CORO1C: variants seen among roughly 807,000 people sequenced by gnomAD.
CORO1C encodes coronin 1C.
CORO1C carries 14 observed loss-of-function variants against 51.2 expected under a neutral mutation model. The ratio of observed to expected loss-of-function variants is 0.27; its 90% CI spans 0.18 to 0.43. The LOEUF is 0.43. CORO1C is among the 20% of genes least tolerant of loss of function. The probability of loss-of-function intolerance (pLI) is 1.00; values close to 1 mark genes in which losing one functional copy is unlikely to be tolerated. For missense variants in CORO1C, 417 were observed against 607.8 expected (o/e 0.69, Z 3.30); for synonymous variants, 181 against 210.5 (o/e 0.86, Z 1.21).
rs149788602 is a variant in CORO1C at position 108,647,620 on chromosome 12, G to A, written c.1306-98C>T. ...GATATAAAATGTAGTTTTCTATTTTGCAAACGGCAAGCCATAGTCACCAAG... is the reference window on the plus strand; with the variant it reads ...GATATAAAATGTAGTTTTCTATTTTACAAACGGCAAGCCATAGTCACCAAG... On this transcript the variant is annotated intron_variant, in intron 10 of 10. Coordinates refer to ENST00000261401, the MANE Select transcript of CORO1C (RefSeq NM_014325.4). 1.4e-4 allele frequency: 120 copies of A among 835,434 alleles called. No homozygotes were observed. In the East Asian group the frequency reaches 2.9e-3, roughly 20 times the overall value. 51.8% of individuals were successfully genotyped at this position (835,434 alleles called of 1,614,324 possible). A position where few individuals can be genotyped will look rare whatever the true frequency, so the allele number is the denominator to read the frequency against.
intron 2 of CORO1C, among the ~76,000 whole-genome samples, chr12:108,687,412 AG>A (rs1216829931): frequency 6.6e-6 from 1 of 152,114 alleles, no homozygotes; most frequent in Non-Finnish European, 1.5e-5. Flanking sequence ...ACCTGAGCCC[AG>A]GAGGTCAAGG....
chr12:108,719,895 G>A (rs2035434393), intron 1 of CORO1C, among the ~76,000 whole-genome samples: 1 of 152,130 alleles, frequency 6.6e-6, no homozygotes. Context: ...AGTCAAACTT[G>A]CTAACCAGGC....
chr12:108,699,440 G>GA (rs34961869), intron 2 of CORO1C, among the ~76,000 whole-genome samples: 2 of 150,686 alleles, frequency 1.3e-5, no homozygotes, highest in East Asian at 1.9e-4. Context: ...TTCTTTGAAG[G>GA]AAAAAAAAAG....
chr12:108,687,654 G>A (rs1177853332), intron 2 of CORO1C, among the ~76,000 whole-genome samples: 1 of 151,708 alleles, frequency 6.6e-6, no homozygotes, highest in Non-Finnish European at 1.5e-5. Flanking sequence ...GCTTGATGGT[G>A]TGTGCCTATA....
At chr12:108,665,742 A>G (rs1285168821) in intron 3 of CORO1C, among the ~76,000 whole-genome samples, 1 of 152,228 alleles carries the variant, frequency 6.6e-6, no homozygotes, top group African/African-American at 2.4e-5. Flanking sequence ...ACACACACAT[A>G]GTGCCTCCAG....
intron 3 of CORO1C, among the ~76,000 whole-genome samples, chr12:108,669,579 A>C (rs1010031071): frequency 6.6e-6 from 1 of 150,916 alleles, no homozygotes; most frequent in South Asian, 2.1e-4. Flanking sequence ...TCCTTCTTCT[A>C]CTAAAACTAG....
intron 7 of CORO1C, chr12:108,653,071 GGA>G (rs1491165719): frequency 1.3e-5 from 2 of 152,436 alleles, no homozygotes; most frequent in East Asian, 3.8e-4. Flanking sequence ...CTGGCAGAGA[GGA>G]GATATACATA....
At position 108,648,713 on chromosome 12, in the gene CORO1C, G is replaced by A. The variant is rs756277229; in HGVS notation, c.1197C>T (p.Asn399=). ...TCTTCTTGACCACCTTGAGATCCCT[G>A]TTTTTGCCTGGAATGTACCCGTGCT... is the stretch of plus-strand genomic sequence containing the variant. The part of the protein sequence containing the change: ...SLKHGYIPGK[N]RDLKVVKKNI... The change falls in exon 10 of 11, where the codon AAC becomes AAT. Residue 399 remains asparagine (N), a synonymous_variant. Transcript: ENST00000261401. 3.7e-6 allele frequency: 6 copies of A among 1,614,006 alleles called. No homozygotes were observed. In the African/African-American group the frequency reaches 5.3e-5, roughly 14 times the overall value.
intron 1 of CORO1C, chr12:108,702,914 G>A: frequency 6.5e-7 from 1 of 1,535,424 alleles, no homozygotes; most frequent in Non-Finnish European, 8.7e-7. Flanking sequence ...AGCTGTTATT[G>A]CCAGACTTTC....
intron 2 of CORO1C, among the ~76,000 whole-genome samples, chr12:108,682,023 AAG>A (rs893716086): frequency 6.6e-6 from 1 of 152,004 alleles, no homozygotes; most frequent in Non-Finnish European, 1.5e-5. Context: ...ACTAAAAGGA[AAG>A]AGAGAGAATG....
intron 2 of CORO1C, among the ~76,000 whole-genome samples, chr12:108,680,012 C>T (rs2034067137): frequency 6.6e-6 from 1 of 152,212 alleles, no homozygotes; most frequent in South Asian, 2.1e-4. Context: ...AAAGCTGTCA[C>T]ATTATTAGTT....
At chr12:108,667,996 C>T (rs1472925160) in intron 3 of CORO1C, among the ~76,000 whole-genome samples, 4 of 152,172 alleles carry the variant, frequency 2.6e-5, no homozygotes, top group Non-Finnish European at 5.9e-5. Context: ...GACACTGCTT[C>T]CCTATTTTAG....
At position 108,648,612 on chromosome 12, in the gene CORO1C, G is replaced by T. The variant is rs962633522; in HGVS notation, c.1298C>A (p.Ala433Asp). The T allele has an allele frequency of 1.2e-6, 2 of 1,614,166 alleles. No individual in the cohort carries two copies. Among genetic ancestry groups the T allele is most frequent in the Non-Finnish European group, 8.5e-7 (1 of 1,180,032 alleles). The change falls in exon 10 of 11, where the codon GCC (alanine) becomes GAC (aspartate). Residue 433 changes from alanine to aspartate, a missense_variant. Physicochemically the swap from Ala to Asp is moderately radical, Grantham distance 126. Coordinates refer to ENST00000261401, the MANE Select transcript of CORO1C (RefSeq NM_014325.4). The stretch of plus-strand genomic sequence containing the variant: ...CACTCCACTGGTCCTCACCACACTG[G>T]CCGTGTCTGTGGTTTTCTTGGGGAT... Reference protein sequence around the residue: ...ISIPKKTTDTASVQNEAKLDE... With the variant: ...ISIPKKTTDTDSVQNEAKLDE...
At chr12:108,727,946 C>T (rs2035630269) in intron 1 of CORO1C, among the ~76,000 whole-genome samples, 1 of 152,128 alleles carries the variant, frequency 6.6e-6, no homozygotes. Context: ...GGACATTTCT[C>T]CAAAGATTAC....
At chr12:108,683,439 A>G (rs996197567) in intron 2 of CORO1C, among the ~76,000 whole-genome samples, 19 of 151,938 alleles carry the variant, frequency 1.3e-4, no homozygotes, top group Non-Finnish European at 2.2e-4. Context: ...AAAAAGAGGA[A>G]AAAAAGAAGT....
At chr12:108,672,371 T>C (rs935962723) in intron 3 of CORO1C, among the ~76,000 whole-genome samples, 1 of 152,224 alleles carries the variant, frequency 6.6e-6, no homozygotes, top group East Asian at 1.9e-4. Flanking sequence ...TTTTAAAAAG[T>C]TGTTTAGTTT....
chr12:108,678,307 C>A lies in CORO1C; in HGVS notation c.283G>T (p.Val95Phe). 2 of 1,613,456 alleles carry A rather than the reference C, an allele frequency of 1.2e-6. No individual in the cohort carries two copies. Among genetic ancestry groups the A allele is most frequent in the South Asian group, 2.2e-5 (2 of 90,958 alleles). ...CAGTCCTCTGAACCGCTGGCAATGA[C>A]CTGATCGTTATGTGGGCACCAGTCT... ...DIDWCPHNDQ[V>F]IASGSEDCTV... The change falls in exon 3 of 11, where the codon GTC (valine) becomes TTC (phenylalanine). Residue 95 changes from valine to phenylalanine, a missense_variant. By Grantham distance (50) the Val-to-Phe change is conservative. Coordinates refer to ENST00000261401, the MANE Select transcript of CORO1C (RefSeq NM_014325.4).
chr12:108,651,294 T>C (rs967531263), intron 8 of CORO1C, among the ~76,000 whole-genome samples: 1 of 152,222 alleles, frequency 6.6e-6, no homozygotes, highest in Non-Finnish European at 1.5e-5. Context: ...TATGTGATGA[T>C]GTAGTGCTAA....
intron 1 of CORO1C, among the ~76,000 whole-genome samples, chr12:108,704,134 G>A (rs548234830): frequency 6.6e-6 from 1 of 152,230 alleles, no homozygotes; most frequent in African/African-American, 2.4e-5. Flanking sequence ...TGTCTTCATT[G>A]AAAGATACTA....
Sources: gnomAD v4.1 joint callset for allele counts (sites outside exome capture counted in the v4.1 genomes callset) on GRCh38, gnomAD v4.1.1 for gene constraint, MANE v1.5 for transcripts, NCBI Gene and HGNC (gene_info 2026-07-23, HGNC 2026-07-21) for gene names.